Variants in SLC5A1 observed in about 807,000 individuals in gnomAD.
The protein encoded by SLC5A1 is solute carrier family 5 member 1.
Under a neutral mutation model 73.5 loss-of-function variants are expected in SLC5A1, and 42 were observed. That is an observed-to-expected ratio of 0.57 (90% CI 0.45 to 0.74). SLC5A1 has a LOEUF of 0.74. Ranked by LOEUF, SLC5A1 falls within the 30% of genes least tolerant of loss-of-function variation. SLC5A1 has a pLI of 0.00. For synonymous variants in SLC5A1, 300 were observed against 317.4 expected, an observed-to-expected ratio of 0.95 and a Z score of 0.58; for missense variants, 634 against 855.4, an observed-to-expected ratio of 0.74 and a Z score of 3.23.
At chr22:32,047,658 G>A (rs183080734) in intron 1 of SLC5A1, among the ~76,000 whole-genome samples, 7 of 152,258 alleles carry the variant, frequency 4.6e-5, no homozygotes, top group Middle Eastern at 3.4e-3. Flanking sequence ...GTTGACTGAT[G>A]GGACACAATA....
chr22:32,077,405 T>C (rs1331249416), intron 5 of SLC5A1, among the ~76,000 whole-genome samples: 3 of 151,286 alleles, frequency 2.0e-5, no homozygotes, highest in East Asian at 1.9e-4. Context: ...CCCTTCCCTT[T>C]CCTTTCCCTC....
chr22:32,053,055 C>G (rs16989807), intron 2 of SLC5A1, among the ~76,000 whole-genome samples: 19,467 of 152,096 alleles, frequency 0.13, 1,511 homozygotes, highest in African/African-American at 0.23. Flanking sequence ...GAAAAGGAAG[C>G]CTTAATCAGA....
At chr22:32,046,431 T>C (rs2093937291) in intron 1 of SLC5A1, among the ~76,000 whole-genome samples, 1 of 152,002 alleles carries the variant, frequency 6.6e-6, no homozygotes, top group African/African-American at 2.4e-5. Flanking sequence ...CCTTGACTAG[T>C]TGTCAACAGC....
chr22:32,060,188 T>C (rs33994111), intron 2 of SLC5A1, among the ~76,000 whole-genome samples: 7,304 of 84,224 alleles, frequency 0.087, 339 homozygotes, highest in African/African-American at 0.27. Flanking sequence ...CACACACACA[T>C]ATATATATAT....
At chr22:32,059,346 T>G in intron 2 of SLC5A1, 1 of 985,388 alleles carries the variant, frequency 1.0e-6, no homozygotes, top group South Asian at 4.7e-5. Flanking sequence ...ACACATGAGG[T>G]AAGAGATTGG....
intron 9 of SLC5A1, among the ~76,000 whole-genome samples, chr22:32,085,546 CTTTTT>C (rs35772243): frequency 8.4e-6 from 1 of 119,142 alleles, no homozygotes; most frequent in Non-Finnish European, 1.8e-5. Context: ...TTGTTTCCTC[CTTTTT>C]TTTTTTTTTT....
In SLC5A1 at chr22:32,110,620, C is replaced by A. The variant is rs1197082993; in HGVS notation, c.*407C>A. 1 of 283,380 alleles carries A rather than the reference C, an allele frequency of 3.5e-6. No homozygotes were observed. The highest frequency in any genetic ancestry group is 9.1e-5 in the East Asian group (1 of 10,964). 17.6% of individuals were successfully genotyped at this position (283,380 alleles called of 1,614,324 possible). A position where few individuals can be genotyped will look rare whatever the true frequency, so the allele number is the denominator to read the frequency against. On this transcript the variant is annotated 3_prime_UTR_variant, in exon 15 of 15. Transcript: ENST00000266088. ...CCTGCCACTTTTCCTGTCCGTCCTC[C>A]TCCCCATTTTTTTTTTAAAAGAAAG... is the stretch of plus-strand genomic sequence containing the variant.
chr22:32,049,636 C>G (rs1382556119), intron 1 of SLC5A1, among the ~76,000 whole-genome samples: 6 of 151,716 alleles, frequency 4.0e-5, no homozygotes, highest in Non-Finnish European at 8.8e-5. Context: ...TCCATTCCTG[C>G]CATTTAACAG....
chr22:32,043,439 C>T lies in SLC5A1; in HGVS notation c.135+23C>T, dbSNP rs199932081. On this transcript the variant is annotated intron_variant, in intron 1 of 14. Coordinates refer to ENST00000266088, the MANE Select transcript of SLC5A1 (RefSeq NM_000343.4). The surrounding 1 kb of genome is among the most constrained non-coding windows in gnomAD (Gnocchi z 6.5). ...TGGGTATGCAGCGGGTTCTGGGATG[C>T]GGGTGGGGAGGGTGCGCACAGAGGA... The T allele has an allele frequency of 3.7e-6, 6 of 1,612,114 alleles. No homozygotes were observed. The highest frequency in any genetic ancestry group is 2.2e-5 in the East Asian group (1 of 44,810).
intron 5 of SLC5A1, among the ~76,000 whole-genome samples, chr22:32,075,299 C>T (rs979093162): frequency 1.1e-4 from 16 of 152,014 alleles, no homozygotes; most frequent in Non-Finnish European, 1.5e-4. Context: ...ACAGCTAGTA[C>T]GTGGCAAAGC....
chr22:32,067,146 G>T, intron 3 of SLC5A1, 107 bp downstream of exon 3: 1 of 902,506 alleles, frequency 1.1e-6, no homozygotes, highest in Non-Finnish European at 1.8e-6. Flanking sequence ...ACCCTTCAGG[G>T]TCACCCCAGG....
intron 10 of SLC5A1, 100 bp from the exon 11 acceptor site, chr22:32,091,512 G>A: frequency 3.0e-6 from 4 of 1,348,222 alleles, no homozygotes; most frequent in Non-Finnish European, 1.1e-6. Flanking sequence ...AACATGGCAT[G>A]GTTTCAGAAG....
intron 5 of SLC5A1, among the ~76,000 whole-genome samples, chr22:32,071,718 T>C (rs192620824): frequency 6.6e-6 from 1 of 152,150 alleles, no homozygotes; most frequent in East Asian, 1.9e-4. Flanking sequence ...AAAGGCGAGA[T>C]TGGTCCAATC....
rs1347393683 is a variant in SLC5A1 at position 32,099,103 on chromosome 22, AAAATATATATAT to A, written c.1281-78_1281-67del. The A allele has an allele frequency of 3.3e-3, 264 of 80,682 alleles. 1 individual carries two copies. The highest frequency in any genetic ancestry group is 6.4e-3 in the Middle Eastern group (1 of 156). The allele number at this position is 80,682 out of a possible 1,614,324, so 5.0% of individuals were successfully genotyped here. ...CTGTCTCAAAAAAAAAAAAAAAAAA[AAAATATATATAT>A]ATATATATATATATATACTCATGTA... On this transcript the variant is annotated intron_variant, in intron 11 of 14. Coordinates refer to ENST00000266088, the MANE Select transcript of SLC5A1 (RefSeq NM_000343.4).
chr22:32,104,501 A>G (rs2094041662), intron 13 of SLC5A1, among the ~76,000 whole-genome samples: 1 of 152,224 alleles, frequency 6.6e-6, no homozygotes. Flanking sequence ...TATCACACAC[A>G]CACGTAAAAG....
chr22:32,053,941 G>A (rs891812855), intron 2 of SLC5A1, among the ~76,000 whole-genome samples: 23 of 152,272 alleles, frequency 1.5e-4, no homozygotes, highest in Non-Finnish European at 1.9e-4. Context: ...TTGGCAGGCC[G>A]AGGCAGGCAG....
chr22:32,058,743 C>G (rs1408382622), intron 2 of SLC5A1, among the ~76,000 whole-genome samples: 1 of 152,146 alleles, frequency 6.6e-6, no homozygotes, highest in South Asian at 2.1e-4. Context: ...GTCAGTTCCC[C>G]TTATGGTCTT....
intron 5 of SLC5A1, among the ~76,000 whole-genome samples, chr22:32,079,151 A>G (rs183683621): frequency 8.9e-4 from 136 of 152,220 alleles, no homozygotes; most frequent in African/African-American, 3.1e-3. Context: ...AACAAAAAAA[A>G]ACAACCCTAG....
chr22:32,049,928 C>A lies in SLC5A1; in HGVS notation c.136-15C>A. 6.2e-7 allele frequency: 1 copy of A among 1,612,172 alleles called. No individual in the cohort carries two copies. The highest frequency in any genetic ancestry group is 8.5e-7 in the Non-Finnish European group (1 of 1,178,210). ...TTCTAGTTTTCGATTACATTTTTGA[C>A]CCTTTCCTCCTCAGGCTATGTTTTC... On this transcript the variant is annotated splice_polypyrimidine_tract_variant and intron_variant, in intron 1 of 14. Coordinates refer to ENST00000266088, the MANE Select transcript of SLC5A1 (RefSeq NM_000343.4).
Sources: gnomAD v4.1 joint callset for allele counts (sites outside exome capture counted in the v4.1 genomes callset) on GRCh38, gnomAD v4.1.1 for gene constraint, Gnocchi (gnomAD v3.1) non-coding constraint, MANE v1.5 for transcripts, NCBI Gene and HGNC (gene_info 2026-07-23, HGNC 2026-07-21) for gene names.